EPHB6: variants seen among roughly 807,000 people sequenced by gnomAD.
The protein encoded by EPHB6 is EPH receptor B6.
Under a neutral mutation model 107.0 loss-of-function variants are expected in EPHB6, and 51 were observed. That is an observed-to-expected ratio of 0.48 (90% CI 0.38 to 0.60). The LOEUF (loss-of-function observed/expected upper bound fraction) is 0.60. EPHB6 is among the 20% of genes least tolerant of loss of function. EPHB6 has a pLI of 0.00. For synonymous variants in EPHB6, 553 were observed against 549.0 expected, an observed-to-expected ratio of 1.01 and a Z score of -0.10; for missense variants, 1,141 against 1,355.5, an observed-to-expected ratio of 0.84 and a Z score of 2.48.
intron 1 of EPHB6, among the ~76,000 whole-genome samples, chr7:142,858,498 C>T (rs1414772002): frequency 1.1e-4 from 13 of 120,336 alleles, no homozygotes; most frequent in African/African-American, 1.6e-4. Flanking sequence ...TGCAGTGGCA[C>T]GATCTCGGCT....
In EPHB6 at chr7:142,870,639, A is replaced by T. The variant is rs1794873476; in HGVS notation, c.2914A>T (p.Lys972Ter). 1 of 1,614,140 alleles carries T rather than the reference A, an allele frequency of 6.2e-7. No homozygotes were observed. The highest frequency in any genetic ancestry group is 2.2e-5 in the East Asian group (1 of 44,882). The stretch of plus-strand genomic sequence containing the variant: ...GGAGTGCTACCAGGACAACTTCTCC[A>T]AGTTTGGCCTCTGTACCTTCAGTGA... ...GLECYQDNFS[K>*]FGLCTFSDVA... Residue 972 changes from lysine (K) to a stop codon, truncating the protein, a stop_gained, in exon 19 of 20, where the codon AAG becomes TAG. Transcript: ENST00000652003. LOFTEE classifies it high-confidence loss of function.
At chr7:142,863,537 T>A (rs1417796702) in intron 5 of EPHB6, 94 bp from the exon 6 acceptor site, 1 of 1,463,324 alleles carries the variant, frequency 6.8e-7, no homozygotes, top group African/African-American at 1.4e-5. Context: ...TGGGCCCGGG[T>A]GGGGCATTCT....
In EPHB6 at chr7:142,867,855, G is replaced by A. The variant is rs1794687748; in HGVS notation, c.1865+133G>A. ...CTCCCGTCAGCCAGCCCCTGCCCTG[G>A]GCCCCACGTGGAGATGGGCAGGAGG... On this transcript the variant is annotated intron_variant, in intron 12 of 19. Coordinates refer to ENST00000652003, the MANE Select transcript of EPHB6 (RefSeq NM_004445.6). The surrounding 1 kb of genome is among the most constrained non-coding windows in gnomAD (Gnocchi z 5.3). The A allele has an allele frequency of 2.8e-6, 4 of 1,439,448 alleles. No individual in the cohort carries two copies. Among genetic ancestry groups the A allele is most frequent in the Non-Finnish European group, 3.8e-6 (4 of 1,048,138 alleles). 89.2% of individuals were successfully genotyped at this position (1,439,448 alleles called of 1,614,324 possible).
intron 17 of EPHB6, 49 bp from the exon 18 acceptor site, chr7:142,870,165 C>T: frequency 6.2e-7 from 1 of 1,611,492 alleles, no homozygotes; most frequent in Non-Finnish European, 8.5e-7. Context: ...AAAGTACTCC[C>T]CTCTACTAAC....
In EPHB6 at chr7:142,868,837, A is replaced by G. The variant is rs533718730; in HGVS notation, c.2286+98A>G. 3 of 1,603,446 alleles carry G rather than the reference A, an allele frequency of 1.9e-6. No homozygotes were observed. The highest frequency in any genetic ancestry group is 1.1e-5 in the South Asian group (1 of 90,386). On this transcript the variant is annotated intron_variant, in intron 15 of 19. Coordinates refer to ENST00000652003, the MANE Select transcript of EPHB6 (RefSeq NM_004445.6). The surrounding 1 kb of genome is among the most constrained non-coding windows in gnomAD (Gnocchi z 4.2). Reference sequence around the variant, plus strand: ...TTTGCTTCTTACCACCCCACCTTCCATGGTCTCCGTCCTTCCTTCCCAGCC... The same window carrying G: ...TTTGCTTCTTACCACCCCACCTTCCGTGGTCTCCGTCCTTCCTTCCCAGCC...
rs1802862312 is a variant in EPHB6 at position 142,862,016 on chromosome 7, G to A, written c.-296-1G>A. 1.3e-5 allele frequency: 2 copies of A among 152,228 alleles called. No homozygotes were observed. The highest frequency in any genetic ancestry group is 6.5e-5 in the Admixed American group (1 of 15,288). 9.4% of individuals were successfully genotyped at this position (152,228 alleles called of 1,614,324 possible). On this transcript the variant is annotated splice_acceptor_variant, in intron 2 of 19. Coordinates refer to ENST00000652003, the MANE Select transcript of EPHB6 (RefSeq NM_004445.6). LOFTEE classifies it low-confidence loss of function (5UTR_SPLICE). ...ACACAATAGAAATATCTTTCTCACAGTCTAGATGCTGGGAAGTCCAAGATC... is the reference window on the plus strand; with the variant it reads ...ACACAATAGAAATATCTTTCTCACAATCTAGATGCTGGGAAGTCCAAGATC...
Position 142,865,993 on chromosome 7 carries a change from A to C in EPHB6, c.1139A>C (p.Glu380Ala). The change falls in exon 9 of 20, where the codon GAG becomes GCG. Residue 380 changes from glutamate to alanine, a missense_variant. Physicochemically the swap from Glu to Ala is moderately radical, Grantham distance 107. This residue lies in a region of EPHB6 where 304 missense variants were observed against 295.7 expected (regional missense o/e 1.03). Coordinates refer to ENST00000652003, the MANE Select transcript of EPHB6 (RefSeq NM_004445.6). ...PPSAPQELWF[E>A]VQGSALMLHW... ...TCGGCTCCCCAGGAGCTTTGGTTTG[A>C]GGTGCAAGGCTCAGCACTCATGCTA... 6.2e-7 allele frequency: 1 copy of C among 1,613,816 alleles called. No individual in the cohort carries two copies. The highest frequency in any genetic ancestry group is 8.5e-7 in the Non-Finnish European group (1 of 1,180,004).
Position 142,865,650 on chromosome 7 carries a change from C to G in EPHB6, c.1105+20C>G. On this transcript the variant is annotated intron_variant, in intron 8 of 19. Coordinates refer to ENST00000652003, the MANE Select transcript of EPHB6 (RefSeq NM_004445.6). ...GCACTGGTGAGTTCCTCACCCAGCC[C>G]TGCAATGGGAAAGAGACTTGGAGAG... The G allele has an allele frequency of 6.2e-7, 1 of 1,611,954 alleles. No individual in the cohort carries two copies. The highest frequency in any genetic ancestry group is 8.5e-7 in the Non-Finnish European group (1 of 1,179,684).
rs1237596625 is a variant in EPHB6 at position 142,855,204 on chromosome 7, C to T, written c.-613C>T. 6.6e-6 allele frequency: 1 copy of T among 152,220 alleles called. No individual in the cohort carries two copies. The highest frequency in any genetic ancestry group is 1.5e-5 in the Non-Finnish European group (1 of 68,068). 9.4% of individuals were successfully genotyped at this position (152,220 alleles called of 1,614,324 possible). A position where few individuals can be genotyped will look rare whatever the true frequency, so the allele number is the denominator to read the frequency against. On this transcript the variant is annotated 5_prime_UTR_variant, in exon 1 of 20. Coordinates refer to ENST00000652003, the MANE Select transcript of EPHB6 (RefSeq NM_004445.6). This position sits in a 1 kb window ranked among gnomAD's most constrained non-coding sequence, Gnocchi z 4.2. ...GCCCCACCTCTGGAGCAGCCCCTGC[C>T]GCCAGCGTCAGGTCCACCCCGGAAT...
In EPHB6 at chr7:142,855,631, T is replaced by TAC. The variant is rs1802568093; in HGVS notation, c.-432+247_-432+248insCA. 6.6e-6 allele frequency among the ~76,000 whole-genome samples: 1 copy of TAC among 152,144 alleles called. No individual in the cohort carries two copies. Among genetic ancestry groups the TAC allele is most frequent in the Non-Finnish European group, 1.5e-5 (1 of 68,012 alleles). On this transcript the variant is annotated intron_variant, in intron 1 of 19. Transcript: ENST00000652003. This position sits in a 1 kb window ranked among gnomAD's most constrained non-coding sequence, Gnocchi z 4.2. Reference sequence around the variant, plus strand: ...ATTGACACCGCATTACCCTTGCTGTTAGGATCCCCCAGTTGCGTTCCCAGA... The same window carrying TAC: ...ATTGACACCGCATTACCCTTGCTGTTACAGGATCCCCCAGTTGCGTTCCCAGA...
At chr7:142,856,977 T>G (rs1369960554) in intron 1 of EPHB6, among the ~76,000 whole-genome samples, 1 of 152,204 alleles carries the variant, frequency 6.6e-6, no homozygotes, top group Non-Finnish European at 1.5e-5. Flanking sequence ...CTCCTGGCAC[T>G]CAGGGGCTTT....
rs1025085127 is a variant in EPHB6, at chr7:142,868,423, A to C, written c.2038+63A>C. ...CTCCCTTGTGGCCTCCGCTGGCCAG[A>C]GTCCCATCCAAACACAGCAGGACGC... On this transcript the variant is annotated intron_variant, in intron 14 of 19. Coordinates refer to ENST00000652003, the MANE Select transcript of EPHB6 (RefSeq NM_004445.6). The surrounding 1 kb of genome is among the most constrained non-coding windows in gnomAD (Gnocchi z 4.2). The C allele has an allele frequency of 4.3e-6, 7 of 1,613,876 alleles. No homozygotes were observed. In the African/African-American group the frequency reaches 8.0e-5, roughly 18 times the overall value.
Position 142,863,975 on chromosome 7 carries a change from G to T in EPHB6, c.175G>T (p.Val59Leu), listed in dbSNP as rs1802981306. 6.2e-7 allele frequency: 1 copy of T among 1,614,226 alleles called. No individual in the cohort carries two copies. The highest frequency in any genetic ancestry group is 1.3e-5 in the African/African-American group (1 of 75,068). Reference protein sequence around the residue: ...LTYPPGGWDEVSVLDDQRRLT... With the variant: ...LTYPPGGWDELSVLDDQRRLT... Reference sequence around the variant, plus strand: ...CTGGCCCTTCCTGCAGTGGGACGAGGTGAGTGTTCTGGACGACCAGCGACG... The same window carrying T: ...CTGGCCCTTCCTGCAGTGGGACGAGTTGAGTGTTCTGGACGACCAGCGACG... Residue 59 changes from valine (V) to leucine (L), a missense_variant, in exon 7 of 20, where the codon GTG (valine) becomes TTG (leucine). Transcript: ENST00000652003.
In EPHB6 at chr7:142,869,865, G is replaced by A. The variant is rs1161077680; in HGVS notation, c.2509G>A (p.Gly837Arg). The stretch of plus-strand genomic sequence containing the variant: ...GGCAGCCCCAGAGGTCATTGCACAT[G>A]GAAAGCATACAACATCCAGTGATGT... Reference protein sequence around the residue: ...RWAAPEVIAHGKHTTSSDVWS... With the variant: ...RWAAPEVIAHRKHTTSSDVWS... The change falls in exon 17 of 20, where the codon GGA (glycine) becomes AGA (arginine). Residue 837 changes from glycine to arginine, a missense_variant. Coordinates refer to ENST00000652003, the MANE Select transcript of EPHB6 (RefSeq NM_004445.6). This position sits in a 1 kb window ranked among gnomAD's most constrained non-coding sequence, Gnocchi z 4.5. 1 of 1,614,086 alleles carries A rather than the reference G, an allele frequency of 6.2e-7. No individual in the cohort carries two copies. The highest frequency in any genetic ancestry group is 1.3e-5 in the African/African-American group (1 of 74,920).
rs145358081 is a variant in EPHB6, at chr7:142,864,252, G to A, written c.452G>A (p.Arg151His). The change falls in exon 7 of 20, where the codon CGC (arginine) becomes CAC (histidine). Residue 151 changes from arginine (R) to histidine (H), a missense_variant. Physicochemically the swap from Arg to His is conservative, Grantham distance 29 (BLOSUM62 0). Coordinates refer to ENST00000652003, the MANE Select transcript of EPHB6 (RefSeq NM_004445.6). ...AGCGTTTCCTCCTGGCACCTCAAAC[G>A]CTGGACCAAGGTGGACACAATTGCA... ...PDSVSSWHLKRWTKVDTIAAD... is the reference protein window; with the variant it reads ...PDSVSSWHLKHWTKVDTIAAD... The A allele has an allele frequency of 1.6e-4, 265 of 1,613,826 alleles. No homozygotes were observed. The African/African-American group carries it at 3.1e-3, about 19-fold the overall frequency.
intron 19 of EPHB6, 49 bp downstream of exon 19, chr7:142,870,734 G>A: frequency 6.2e-7 from 1 of 1,614,176 alleles, no homozygotes; most frequent in African/African-American, 1.3e-5. Flanking sequence ...GCCCCTGGCT[G>A]GGGGTCGTAT....
intron 2 of EPHB6, among the ~76,000 whole-genome samples, chr7:142,861,577 G>A (rs1175645331): frequency 6.6e-6 from 1 of 152,100 alleles, no homozygotes; most frequent in South Asian, 2.1e-4. Context: ...TAACAAAGGG[G>A]AGCTTACTTT....
rs867824960 is a variant in EPHB6, at chr7:142,870,553, C to T, written c.2828C>T (p.Pro943Leu). ...AGGCCTTCCCAGGCCCTTCTGACCC[C>T]TGTGGCCCTGGACTTTCCTTGTCTG... ...GERPSQALLT[P>L]VALDFPCLDS... is the part of the protein sequence containing the mutation. The change falls in exon 19 of 20, where the codon CCT (proline) becomes CTT (leucine). Residue 943 changes from proline to leucine, a missense_variant. By Grantham distance (98) the Pro-to-Leu change is moderately conservative. Coordinates refer to ENST00000652003, the MANE Select transcript of EPHB6 (RefSeq NM_004445.6). 1 of 1,614,270 alleles carries T rather than the reference C, an allele frequency of 6.2e-7. No homozygotes were observed. The highest frequency in any genetic ancestry group is 1.1e-5 in the South Asian group (1 of 91,088).
Position 142,868,591 on chromosome 7 carries a change from T to G in EPHB6, c.2138T>G (p.Leu713Arg). ...CTGTGGGCCGGGGGCGCCGAAAGCC[T>G]GCAGATGACCTTCCTGGGCCGGGCC... is the stretch of plus-strand genomic sequence containing the variant. ...QALWAGGAES[L>R]QMTFLGRAAV... The change falls in exon 15 of 20, where the codon CTG (leucine) becomes CGG (arginine). Residue 713 changes from leucine (L) to arginine (R), a missense_variant. By Grantham distance (102) the Leu-to-Arg change is moderately radical. Around this residue, in one of 3 missense-constraint regions of EPHB6, gnomAD observed 616 missense variants for 759.3 expected, o/e 0.81. Transcript: ENST00000652003. This position sits in a 1 kb window ranked among gnomAD's most constrained non-coding sequence, Gnocchi z 4.2. 1 of 1,613,598 alleles carries G rather than the reference T, an allele frequency of 6.2e-7. No individual in the cohort carries two copies. Among genetic ancestry groups the G allele is most frequent in the Non-Finnish European group, 8.5e-7 (1 of 1,179,960 alleles).
Sources: gnomAD v4.1 joint callset for allele counts (sites outside exome capture counted in the v4.1 genomes callset) on GRCh38, gnomAD v4.1.1 for gene constraint, gnomAD v4.1.1 regional missense constraint, Gnocchi (gnomAD v3.1) non-coding constraint, MANE v1.5 for transcripts, NCBI Gene and HGNC (gene_info 2026-07-23, HGNC 2026-07-21) for gene names.